LRFN2: variants seen among roughly 807,000 people sequenced by gnomAD.
The protein encoded by LRFN2 is leucine-rich repeat and fibronectin type-III domain-containing protein 2.
LRFN2 carries 18 observed loss-of-function variants against 37.3 expected under a neutral mutation model. The observed-to-expected ratio is 0.48, with a 90% CI of 0.33 to 0.72. LRFN2 has a LOEUF of 0.72. LRFN2 is among the 30% of genes least tolerant of loss of function. LRFN2 has a pLI of 0.02. For synonymous variants in LRFN2, 556 were observed against 466.6 expected (o/e 1.19, Z -2.47); for missense variants, 1,006 against 1,060.7 (o/e 0.95, Z 0.72).
intron 1 of LRFN2, among the ~76,000 whole-genome samples, chr6:40,506,226 C>T (rs1765532955): frequency 6.6e-6 from 1 of 152,214 alleles, no homozygotes. Context: ...TTCCCTCCCT[C>T]TTAGAATAAG....
intron 1 of LRFN2, among the ~76,000 whole-genome samples, chr6:40,475,100 G>A (rs1235573048): frequency 6.6e-6 from 1 of 152,164 alleles, no homozygotes; most frequent in Non-Finnish European, 1.5e-5. Flanking sequence ...GGAGCCTCCA[G>A]GGGTCAGTAT....
intron 1 of LRFN2, among the ~76,000 whole-genome samples, chr6:40,457,636 T>TAAAA (rs1268759929): frequency 1.3e-5 from 1 of 75,790 alleles, no homozygotes; most frequent in African/African-American, 3.6e-5. Flanking sequence ...AAGACCCTGT[T>TAAAA]TAAAAAAAAA....
chr6:40,448,192 G>A (rs965879221), intron 1 of LRFN2, among the ~76,000 whole-genome samples: 1 of 152,088 alleles, frequency 6.6e-6, no homozygotes. Flanking sequence ...GGCTTGCTGA[G>A]TTGGGGAAGC....
intron 1 of LRFN2, among the ~76,000 whole-genome samples, chr6:40,453,770 C>T (rs371055695): frequency 2.6e-5 from 4 of 152,094 alleles, no homozygotes; most frequent in African/African-American, 9.7e-5. Context: ...ATGTTTTGTG[C>T]CCAAGGATCA....
At chr6:40,545,806 C>T (rs1049949462) in intron 1 of LRFN2, among the ~76,000 whole-genome samples, 4 of 152,134 alleles carry the variant, frequency 2.6e-5, no homozygotes, top group East Asian at 3.9e-4. Context: ...AGGTCAACCA[C>T]GGCCCCTCTA....
chr6:40,441,504 T>C (rs34298980), intron 1 of LRFN2, among the ~76,000 whole-genome samples: 79,254 of 152,004 alleles, frequency 0.52, 21,153 homozygotes, highest in Middle Eastern at 0.63. Flanking sequence ...TGAGTGAGTC[T>C]GCCTGAGGAA....
At chr6:40,404,654 G>A (rs1762807058) in intron 2 of LRFN2, among the ~76,000 whole-genome samples, 1 of 152,192 alleles carries the variant, frequency 6.6e-6, no homozygotes, top group African/African-American at 2.4e-5. Flanking sequence ...CCCTATCCAT[G>A]TACCCAGCAA....
Position 40,478,538 on chromosome 6 carries a change from G to A in LRFN2, c.-18-45407C>T, listed in dbSNP as rs1764757806. Among the ~76,000 whole-genome samples, 5 of 152,200 alleles carry A rather than the reference G, an allele frequency of 3.3e-5. No individual in the cohort carries two copies. The East Asian group carries it at 9.6e-4, about 29-fold the overall frequency. ...TCACACAGCTGGAAAGCAGCAGTGA[G>A]GAAATAATCCATTCACTGATGGAGT... is the stretch of plus-strand genomic sequence containing the variant. On this transcript the variant is annotated intron_variant, in intron 1 of 2. Transcript: ENST00000338305.
At chr6:40,489,891 C>T (rs1459722385) in intron 1 of LRFN2, among the ~76,000 whole-genome samples, 1 of 152,164 alleles carries the variant, frequency 6.6e-6, no homozygotes, top group Non-Finnish European at 1.5e-5. Context: ...TGCCCGGGTG[C>T]CCCCAGCTCA....
intron 1 of LRFN2, among the ~76,000 whole-genome samples, chr6:40,442,643 T>C (rs557695350): frequency 6.6e-6 from 1 of 152,252 alleles, no homozygotes; most frequent in Non-Finnish European, 1.5e-5. Context: ...AGGATGGGAC[T>C]CTGTTTCCCC....
At chr6:40,397,067 G>A (rs879796794) in intron 2 of LRFN2, among the ~76,000 whole-genome samples, 1 of 152,166 alleles carries the variant, frequency 6.6e-6, no homozygotes, top group Non-Finnish European at 1.5e-5. Context: ...TTAAAAGCAA[G>A]ACACTTCTGC....
In LRFN2 at chr6:40,436,994, G is replaced by T. The variant is rs1581704904; in HGVS notation, c.-18-3863C>A. Among the ~76,000 whole-genome samples, 4 of 152,258 alleles carry T rather than the reference G, an allele frequency of 2.6e-5. 1 individual carries two copies. The highest frequency in any genetic ancestry group is 2.6e-4 in the Admixed American group (4 of 15,300). ...CTTGCTAATTAATCAAGAGGTGGTT[G>T]AGTGTGTGTGTGTGTGTATGTGTAT... On this transcript the variant is annotated intron_variant, in intron 1 of 2. Transcript: ENST00000338305.
chr6:40,577,775 A>T (rs1407991780), intron 1 of LRFN2, among the ~76,000 whole-genome samples: 8 of 96,042 alleles, frequency 8.3e-5, no homozygotes, highest in African/African-American at 2.8e-4. Flanking sequence ...AAGTATAATA[A>T]AAAAAAAAGG....
chr6:40,505,380 T>C (rs542739372), intron 1 of LRFN2, among the ~76,000 whole-genome samples: 1 of 152,340 alleles, frequency 6.6e-6, no homozygotes, highest in East Asian at 1.9e-4. Flanking sequence ...TTAGGATCTG[T>C]TGGGACCATA....
chr6:40,479,831 CCTT>C (rs1391118515), intron 1 of LRFN2, among the ~76,000 whole-genome samples: 1 of 152,214 alleles, frequency 6.6e-6, no homozygotes, highest in African/African-American at 2.4e-5. Context: ...CCACGTTCCT[CCTT>C]CTCTCCAGCA....
chr6:40,576,906 C>T (rs1251551272), intron 1 of LRFN2, among the ~76,000 whole-genome samples: 1 of 151,728 alleles, frequency 6.6e-6, no homozygotes, highest in Non-Finnish European at 1.5e-5. Context: ...CCACACCAAC[C>T]CTCCATCATC....
At chr6:40,490,503 G>A (rs933168753) in intron 1 of LRFN2, among the ~76,000 whole-genome samples, 7 of 152,102 alleles carry the variant, frequency 4.6e-5, no homozygotes, top group African/African-American at 1.7e-4. Context: ...GGACCCCCAG[G>A]GGAAAAGATT....
chr6:40,556,468 G>A (rs953799497), intron 1 of LRFN2, among the ~76,000 whole-genome samples: 4 of 152,288 alleles, frequency 2.6e-5, no homozygotes, highest in Admixed American at 6.5e-5. Flanking sequence ...AAGGGAAGGG[G>A]AGAGAGCCCC....
At chr6:40,493,976 C>T (rs1161256592) in intron 1 of LRFN2, among the ~76,000 whole-genome samples, 1 of 152,222 alleles carries the variant, frequency 6.6e-6, no homozygotes, top group Non-Finnish European at 1.5e-5. Flanking sequence ...ACAGTGCTGT[C>T]CTGTGGTTCT....
Sources: gnomAD v4.1 joint callset for allele counts (sites outside exome capture counted in the v4.1 genomes callset) on GRCh38, gnomAD v4.1.1 for gene constraint, MANE v1.5 for transcripts, NCBI Gene and HGNC (gene_info 2026-07-23, HGNC 2026-07-21) for gene names.